ZMIZ1: variants seen among roughly 807,000 people sequenced by gnomAD.
ZMIZ1 encodes zinc finger MIZ-type containing 1.
Under a neutral mutation model 113.9 loss-of-function variants are expected in ZMIZ1, and 17 were observed. The ratio of observed to expected loss-of-function variants is 0.15; its 90% CI spans 0.10 to 0.22. The LOEUF is 0.22. Among genes scored for constraint, ZMIZ1 ranks in the 10% least tolerant of loss-of-function variants. The pLI is 1.00. For synonymous variants in ZMIZ1, 607 were observed against 603.1 expected, an observed-to-expected ratio of 1.01 and a Z score of -0.09; for missense variants, 1,059 against 1,477.8, an observed-to-expected ratio of 0.72 and a Z score of 4.65.
chr10:79,087,596 C>T (rs1215830017), intron 1 of ZMIZ1, among the ~76,000 whole-genome samples: 1 of 152,224 alleles, frequency 6.6e-6, no homozygotes, highest in Non-Finnish European at 1.5e-5. Context: ...ACTTGGCTAC[C>T]AGTGTGAACC....
At chr10:79,185,807 A>G (rs531763051) in intron 4 of ZMIZ1, among the ~76,000 whole-genome samples, 2 of 58,148 alleles carry the variant, frequency 3.4e-5, no homozygotes, top group East Asian at 1.6e-3. Context: ...GTTTTAGAAA[A>G]GAATCCCCCT....
chr10:79,157,268 G>A (rs1173955022), intron 3 of ZMIZ1, among the ~76,000 whole-genome samples: 7 of 152,162 alleles, frequency 4.6e-5, no homozygotes, highest in African/African-American at 1.7e-4. Flanking sequence ...TGATGGAGTG[G>A]GGCAGTGAGA....
At chr10:79,195,849 A>G (rs1847809995) in intron 4 of ZMIZ1, among the ~76,000 whole-genome samples, 2 of 152,234 alleles carry the variant, frequency 1.3e-5, no homozygotes, top group Admixed American at 1.3e-4. Context: ...ATCTCAGCCC[A>G]GCAGCTTTCC....
intron 7 of ZMIZ1, among the ~76,000 whole-genome samples, chr10:79,261,462 G>T (rs754518972): frequency 6.6e-6 from 1 of 152,262 alleles, no homozygotes; most frequent in Non-Finnish European, 1.5e-5. Flanking sequence ...AACAAATGAC[G>T]GCTCCCTCCC....
chr10:79,264,160 TCA>T (rs1236788099), intron 7 of ZMIZ1, among the ~76,000 whole-genome samples: 1 of 152,200 alleles, frequency 6.6e-6, no homozygotes, highest in Non-Finnish European at 1.5e-5. Flanking sequence ...GGCTCAGTTC[TCA>T]CCTTGCAGAT....
chr10:79,171,978 G>A (rs1300023372), intron 4 of ZMIZ1, among the ~76,000 whole-genome samples: 4 of 152,310 alleles, frequency 2.6e-5, no homozygotes, highest in Non-Finnish European at 4.4e-5. Flanking sequence ...CTTTTTAAAT[G>A]TAGTAGGCAC....
rs149230643 is a variant in ZMIZ1, at chr10:79,229,209, T to A, written c.280+12935T>A. ...TGCGGCCCAGGCAACCAGGTGTTTG[T>A]GTTTTGCAGTGGAAGCTCTGCAAGG... On this transcript the variant is annotated intron_variant, in intron 7 of 24. Transcript: ENST00000334512. Among the ~76,000 whole-genome samples, 14 of 152,276 alleles carry A rather than the reference T, an allele frequency of 9.2e-5. No homozygotes were observed. The Middle Eastern group carries it at 0.02, about 222-fold the overall frequency.
intron 1 of ZMIZ1, among the ~76,000 whole-genome samples, chr10:79,078,449 G>A (rs1013188074): frequency 2.6e-5 from 4 of 152,010 alleles, no homozygotes; most frequent in African/African-American, 9.7e-5. Context: ...AAAAGAGAGG[G>A]CAGCAGAGCA....
At chr10:79,163,431 A>T (rs1846194635) in intron 4 of ZMIZ1, among the ~76,000 whole-genome samples, 1 of 152,258 alleles carries the variant, frequency 6.6e-6, no homozygotes, top group African/African-American at 2.4e-5. Flanking sequence ...GACATTGCTG[A>T]CAGAGCTGCT....
chr10:79,307,203 TC>T (rs2132092592), intron 22 of ZMIZ1, among the ~76,000 whole-genome samples: 1 of 152,110 alleles, frequency 6.6e-6, no homozygotes, highest in South Asian at 2.1e-4. Context: ...GGGCAGCACA[TC>T]CCCTAGGGTA....
intron 7 of ZMIZ1, among the ~76,000 whole-genome samples, chr10:79,241,406 A>G (rs1257178569): frequency 1.3e-5 from 2 of 152,174 alleles, no homozygotes; most frequent in Non-Finnish European, 2.9e-5. Context: ...CAAAGAAGCC[A>G]TAATAACCTA....
rs1435709967 is a variant in ZMIZ1, at chr10:79,118,262, T to A, written c.-336-653T>A. Among the ~76,000 whole-genome samples, 2 of 152,178 alleles carry A rather than the reference T, an allele frequency of 1.3e-5. No homozygotes were observed. The highest frequency in any genetic ancestry group is 2.9e-5 in the Non-Finnish European group (2 of 68,030). ...AGGCCTCCTGACTTCAGTCAGCCCA[T>A]GTTTTTCTGTTTGTTCACTGCACAC... On this transcript the variant is annotated intron_variant, in intron 1 of 24. Coordinates refer to ENST00000334512, the MANE Select transcript of ZMIZ1 (RefSeq NM_020338.4). The surrounding 1 kb of genome is among the most constrained non-coding windows in gnomAD (Gnocchi z 4.1).
At chr10:79,178,271 G>T (rs954530687) in intron 4 of ZMIZ1, among the ~76,000 whole-genome samples, 1 of 152,172 alleles carries the variant, frequency 6.6e-6, no homozygotes, top group African/African-American at 2.4e-5. Flanking sequence ...GCTCATGGCC[G>T]CCCTTCAGCC....
At chr10:79,265,467 TC>T (rs61199892) in intron 7 of ZMIZ1, among the ~76,000 whole-genome samples, 10,418 of 121,910 alleles carry the variant, frequency 0.085, 680 homozygotes, top group African/African-American at 0.21. Flanking sequence ...TTTTTTCTTT[TC>T]TTTTTTTTTT....
chr10:79,303,581 C>T (rs1284107315), intron 18 of ZMIZ1, among the ~76,000 whole-genome samples: 1 of 152,172 alleles, frequency 6.6e-6, no homozygotes. Flanking sequence ...CATTGCTGCC[C>T]TGAGTCCTGG....
intron 7 of ZMIZ1, among the ~76,000 whole-genome samples, chr10:79,261,079 C>T (rs1202147712): frequency 1.3e-5 from 2 of 152,202 alleles, no homozygotes; most frequent in Non-Finnish European, 2.9e-5. Context: ...GGTTCGAGAC[C>T]CCAGAAAGGC....
chr10:79,240,638 CTTTTTTTTT>C lies in ZMIZ1; in HGVS notation c.280+24383_280+24391del, dbSNP rs56903717. The stretch of plus-strand genomic sequence containing the variant: ...CGTAAATCTAGTGAAGAGTATTTAT[CTTTTTTTTT>C]TTTTTTTTTTTTTTTTTTGCTTACC... On this transcript the variant is annotated intron_variant, in intron 7 of 24. Transcript: ENST00000334512. Among the ~76,000 whole-genome samples the C allele has an allele frequency of 1.2e-3, 65 of 55,332 alleles. 2 individuals are homozygous for C. The highest frequency in any genetic ancestry group is 2.3e-3 in the African/African-American group (27 of 11,990). The allele number at this position is 55,332 out of a possible 152,430, so 36.3% of individuals were successfully genotyped here. A position where few individuals can be genotyped will look rare whatever the true frequency, so the allele number is the denominator to read the frequency against.
intron 7 of ZMIZ1, among the ~76,000 whole-genome samples, chr10:79,270,108 C>T (rs1409201978): frequency 6.6e-6 from 1 of 152,236 alleles, no homozygotes; most frequent in Non-Finnish European, 1.5e-5. Flanking sequence ...GTCACTGCCC[C>T]TGGGGAGGGC....
At chr10:79,194,996 CAAG>C (rs1847775114) in intron 4 of ZMIZ1, among the ~76,000 whole-genome samples, 1 of 152,186 alleles carries the variant, frequency 6.6e-6, no homozygotes, top group African/African-American at 2.4e-5. Context: ...GCGTAAGGTG[CAAG>C]AAGAAGCACA....
Sources: allele counts gnomAD v4.1 joint callset (sites outside exome capture counted in the v4.1 genomes callset), GRCh38; gene constraint gnomAD v4.1.1; non-coding constraint Gnocchi (gnomAD v3.1); transcripts MANE v1.5; gene names NCBI Gene and HGNC (gene_info 2026-07-23, HGNC 2026-07-21).